MBP: variants seen among roughly 807,000 people sequenced by gnomAD.
The protein encoded by MBP is myelin basic protein.
MBP carries 16 observed loss-of-function variants against 35.8 expected under a neutral mutation model. The ratio of observed to expected loss-of-function variants is 0.45; its 90% CI spans 0.30 to 0.68. MBP has a LOEUF of 0.68. MBP is among the 30% of genes least tolerant of loss of function. The pLI is 0.08. For missense variants in MBP, 380 were observed against 404.7 expected (o/e 0.94, Z 0.52); for synonymous variants, 143 against 159.6 (o/e 0.90, Z 0.78).
chr18:77,028,886 C>G (rs1369740258), intron 3 of MBP, among the ~76,000 whole-genome samples: 1 of 107,342 alleles, frequency 9.3e-6, no homozygotes, highest in South Asian at 3.1e-4. Flanking sequence ...TCCTCACTTC[C>G]CAGATGGGAT....
intron 2 of MBP, among the ~76,000 whole-genome samples, chr18:77,105,002 A>G (rs1667918): frequency 0.21 from 31,586 of 151,848 alleles, 3,315 homozygotes; most frequent in East Asian, 0.31. Flanking sequence ...ACTGCCATGC[A>G]ATCTTCCTGA....
At chr18:77,118,455 T>G (rs1196397863) in intron 1 of MBP, among the ~76,000 whole-genome samples, 1 of 151,924 alleles carries the variant, frequency 6.6e-6, no homozygotes, top group Non-Finnish European at 1.5e-5. Context: ...CCTGGATTTT[T>G]CCCACTGGAG....
intron 4 of MBP, chr18:76,990,873 G>A: frequency 3.3e-6 from 1 of 299,106 alleles, no homozygotes; most frequent in Non-Finnish European, 6.9e-6. Context: ...TGTGCGACTT[G>A]CTGGGGAGAG....
At chr18:77,068,746 A>G (rs945938539) in intron 2 of MBP, among the ~76,000 whole-genome samples, 5 of 152,234 alleles carry the variant, frequency 3.3e-5, no homozygotes, top group African/African-American at 1.2e-4. Context: ...AATGCAGAGA[A>G]TGTTCAAACT....
At chr18:77,028,853 T>G (rs868591585) in intron 3 of MBP, among the ~76,000 whole-genome samples, 885 of 70,056 alleles carry the variant, frequency 0.013, 2 homozygotes, top group Middle Eastern at 0.031. Flanking sequence ...TTCCCAGATG[T>G]GATGGCGGCC....
intron 1 of MBP, among the ~76,000 whole-genome samples, chr18:77,125,416 T>C (rs1977016500): frequency 6.6e-6 from 1 of 152,224 alleles, no homozygotes; most frequent in South Asian, 2.1e-4. Context: ...GTTATTTGTA[T>C]AAAATCTCAA....
intron 2 of MBP, among the ~76,000 whole-genome samples, chr18:77,081,183 G>A (rs1431966899): frequency 3.3e-5 from 5 of 152,150 alleles, no homozygotes; most frequent in East Asian, 1.9e-4. Context: ...GAGATGACAC[G>A]GAAGCATGAA....
At chr18:77,045,045 G>A (rs1458339962) in intron 3 of MBP, among the ~76,000 whole-genome samples, 1 of 151,982 alleles carries the variant, frequency 6.6e-6, no homozygotes, top group African/African-American at 2.4e-5. Context: ...GGATAGATAC[G>A]ATCTTGATGT....
At chr18:77,028,442 T>C (rs796885021) in intron 3 of MBP, among the ~76,000 whole-genome samples, 954 of 93,766 alleles carry the variant, frequency 0.01, 4 homozygotes, top group Middle Eastern at 0.022. Context: ...TCCCCACCTT[T>C]CCCCCCTTTC....
At chr18:77,083,955 G>A (rs1258001258) in intron 2 of MBP, among the ~76,000 whole-genome samples, 1 of 151,924 alleles carries the variant, frequency 6.6e-6, no homozygotes, top group African/African-American at 2.4e-5. Flanking sequence ...AGACTGCATT[G>A]TACACCTTAA....
intron 3 of MBP, among the ~76,000 whole-genome samples, chr18:77,051,028 A>G (rs563161606): frequency 1.3e-5 from 2 of 152,142 alleles, no homozygotes; most frequent in Admixed American, 6.5e-5. Flanking sequence ...GAAATGGAAC[A>G]TGAAGACATA....
chr18:77,123,893 A>G (rs1390263530), intron 1 of MBP, among the ~76,000 whole-genome samples: 1 of 152,204 alleles, frequency 6.6e-6, no homozygotes. Context: ...GGTGAAAAGC[A>G]GATCTGAGTA....
At chr18:77,111,547 C>G (rs1976449843) in intron 1 of MBP, among the ~76,000 whole-genome samples, 1 of 152,226 alleles carries the variant, frequency 6.6e-6, no homozygotes, top group South Asian at 2.1e-4. Context: ...CACGGGAGGG[C>G]CCTGGTGTCG....
chr18:77,107,762 C>T (rs909973167), intron 1 of MBP, among the ~76,000 whole-genome samples: 1 of 152,146 alleles, frequency 6.6e-6, no homozygotes, highest in African/African-American at 2.4e-5. Flanking sequence ...GAATACTGGA[C>T]ACAGAATTGG....
chr18:77,085,235 C>T (rs1238454986), intron 2 of MBP, among the ~76,000 whole-genome samples: 1 of 152,030 alleles, frequency 6.6e-6, no homozygotes, highest in Non-Finnish European at 1.5e-5. Context: ...AGAACATATT[C>T]CCCTGTGCCT....
intron 3 of MBP, among the ~76,000 whole-genome samples, chr18:77,046,758 C>T (rs1402889549): frequency 6.6e-6 from 1 of 152,244 alleles, no homozygotes. Context: ...CTACGGCCCA[C>T]CCTTCCTTCC....
chr18:77,011,342 G>A (rs776528475), intron 4 of MBP, among the ~76,000 whole-genome samples: 28 of 152,324 alleles, frequency 1.8e-4, no homozygotes, highest in African/African-American at 1.2e-4. Flanking sequence ...GTCCATGAGC[G>A]TGAGCAAGTG....
chr18:76,980,184 AG>A lies in MBP; in HGVS notation c.*242del, dbSNP rs1166737114. ...GCGTCTGGGGGCACATTGCGGGGGA[AG>A]GAACGTGATCTTCACACAGAAAGGG... On this transcript the variant is annotated 3_prime_UTR_variant, in exon 9 of 9. Coordinates refer to ENST00000355994, the MANE Select transcript of MBP (RefSeq NM_001025101.2). 5 of 634,984 alleles carry A rather than the reference AG, an allele frequency of 7.9e-6. No individual in the cohort carries two copies. Among genetic ancestry groups the A allele is most frequent in the Non-Finnish European group, 1.1e-5 (4 of 354,942 alleles). 39.3% of individuals were successfully genotyped at this position (634,984 alleles called of 1,614,324 possible).
intron 3 of MBP, among the ~76,000 whole-genome samples, chr18:77,018,957 TATCCATTCATCC>T (rs1274698609): frequency 2.9e-4 from 18 of 61,172 alleles, no homozygotes; most frequent in African/African-American, 1.1e-3. Flanking sequence ...TCCATCCATC[TATCCATTCATCC>T]ATCCATCCAT....
Sources: allele counts gnomAD v4.1 joint callset (sites outside exome capture counted in the v4.1 genomes callset), GRCh38; gene constraint gnomAD v4.1.1; transcripts MANE v1.5; gene names NCBI Gene and HGNC (gene_info 2026-07-23, HGNC 2026-07-21).